Variants in SRRD observed in about 807,000 individuals in gnomAD.
SRRD encodes SRR1-like protein.
A neutral mutation model predicts 30.7 loss-of-function variants in SRRD; 28 were observed. The ratio of observed to expected loss-of-function variants is 0.91; its 90% CI spans 0.68 to 1.25. The LOEUF (loss-of-function observed/expected upper bound fraction) is 1.25. Among genes scored for constraint, SRRD ranks in the 50% most tolerant of loss-of-function variants. The pLI is 0.00. For missense variants in SRRD, 415 were observed against 417.3 expected (o/e 0.99, Z 0.05); for synonymous variants, 161 against 159.6 (o/e 1.01, Z -0.07).
rs368643985 is a variant in SRRD at position 26,488,181 on chromosome 22, G to C, written c.403G>C (p.Gly135Arg). 3 of 1,614,100 alleles carry C rather than the reference G, an allele frequency of 1.9e-6. No homozygotes were observed. In the African/African-American group the frequency reaches 4.0e-5, roughly 22 times the overall value. ...TATCCCAAGAGAGATCTTGGTCACA[G>C]GAACCTGCCATTTGAAGTGTGTGTG... ...DSIPREILVTGTCHLKCVCYG... is the reference protein window; with the variant it reads ...DSIPREILVTRTCHLKCVCYG... Residue 135 changes from glycine (G) to arginine (R), a missense_variant, in exon 3 of 7, where the codon GGA (glycine) becomes CGA (arginine). Physicochemically the swap from Gly to Arg is moderately radical, Grantham distance 125. Coordinates refer to ENST00000215917, the MANE Select transcript of SRRD (RefSeq NM_001013694.3).
At chr22:26,489,975 C>T in intron 4 of SRRD, 69 bp from the exon 5 acceptor site, 1 of 1,564,344 alleles carries the variant, frequency 6.4e-7, no homozygotes. Flanking sequence ...CCCATCCTTA[C>T]CTCTCCCTCA....
chr22:26,484,330 T>C (rs1052948571), intron 1 of SRRD, among the ~76,000 whole-genome samples: 1 of 152,200 alleles, frequency 6.6e-6, no homozygotes, highest in African/African-American at 2.4e-5. Context: ...ATTTATAATC[T>C]CTGTGCCTCA....
At chr22:26,489,924 G>T in intron 4 of SRRD, 120 bp from the exon 5 acceptor site, 1 of 1,104,918 alleles carries the variant, frequency 9.1e-7, no homozygotes. Context: ...CACAAAATGA[G>T]CTTTTTTCCT....
intron 5 of SRRD, 98 bp downstream of exon 5, chr22:26,490,296 C>G: frequency 7.4e-7 from 1 of 1,358,750 alleles, no homozygotes; most frequent in East Asian, 2.4e-5. Flanking sequence ...CGATTCCATA[C>G]TGGGGAAATG....
rs1602195604 is a variant in SRRD, at chr22:26,494,578, G to A, written c.*2906G>A. ...CCCCTACCCCATAGGGTTGCTGAGAGGAGCTGAGATAAAGCAAATAAAGTG... is the reference window on the plus strand; with the variant it reads ...CCCCTACCCCATAGGGTTGCTGAGAAGAGCTGAGATAAAGCAAATAAAGTG... On this transcript the variant is annotated 3_prime_UTR_variant, in exon 7 of 7. Coordinates refer to ENST00000215917, the MANE Select transcript of SRRD (RefSeq NM_001013694.3). 2.7e-6 allele frequency: 2 copies of A among 732,406 alleles called. No homozygotes were observed. The highest frequency in any genetic ancestry group is 5.4e-5 in the East Asian group (2 of 36,992). The allele number at this position is 732,406 out of a possible 1,614,324, so 45.4% of individuals were successfully genotyped here. A position where few individuals can be genotyped will look rare whatever the true frequency, so the allele number is the denominator to read the frequency against.
At chr22:26,484,635 C>T (rs2091655355) in intron 1 of SRRD, among the ~76,000 whole-genome samples, 2 of 152,144 alleles carry the variant, frequency 1.3e-5, no homozygotes, top group South Asian at 4.1e-4. Context: ...CTCACTGATT[C>T]TCAAAGAGAC....
Position 26,488,298 on chromosome 22 carries a change from T to TGGATTCATTTTC in SRRD, c.510+11_510+22dup, listed in dbSNP as rs2091723850. 1.2e-6 allele frequency: 2 copies of TGGATTCATTTTC among 1,613,124 alleles called. No individual in the cohort carries two copies. Among genetic ancestry groups the TGGATTCATTTTC allele is most frequent in the South Asian group, 2.2e-5 (2 of 91,064 alleles). Reference sequence around the variant, plus strand: ...GTTGGAAAAGTGCCAGGTACATTTTTGGATTCATTTTCATCTCCTCCTCCT... The same window carrying TGGATTCATTTTC: ...GTTGGAAAAGTGCCAGGTACATTTTTGGATTCATTTTCGGATTCATTTTCATCTCCTCCTCCT... On this transcript the variant is annotated intron_variant, in intron 3 of 6. Transcript: ENST00000215917.
chr22:26,491,941 TA>T lies in SRRD; in HGVS notation c.*274del. The T allele has an allele frequency of 7.1e-7, 1 of 1,414,474 alleles. No individual in the cohort carries two copies. Among genetic ancestry groups the T allele is most frequent in the Non-Finnish European group, 9.6e-7 (1 of 1,040,028 alleles). 87.6% of individuals were successfully genotyped at this position (1,414,474 alleles called of 1,614,324 possible). A position where few individuals can be genotyped will look rare whatever the true frequency, so the allele number is the denominator to read the frequency against. ...AGAAGTTACCCTTTTGAAGGTGATC[TA>T]AAAATACTGTTTATTTACAGTACAT... On this transcript the variant is annotated 3_prime_UTR_variant, in exon 7 of 7. Coordinates refer to ENST00000215917, the MANE Select transcript of SRRD (RefSeq NM_001013694.3).
Position 26,492,311 on chromosome 22 carries a change from C to T in SRRD, c.*639C>T, listed in dbSNP as rs376300046. On this transcript the variant is annotated 3_prime_UTR_variant, in exon 7 of 7. Coordinates refer to ENST00000215917, the MANE Select transcript of SRRD (RefSeq NM_001013694.3). ...GGCCTCGTACTGGAAGTCCTTCCTC[C>T]GCTCCGTGTGGGTGAGATAGGCAAT... 4.3e-6 allele frequency: 7 copies of T among 1,614,170 alleles called. No individual in the cohort carries two copies. The highest frequency in any genetic ancestry group is 1.7e-5 in the Admixed American group (1 of 60,024).
At position 26,492,517 on chromosome 22, in the gene SRRD, G is replaced by C. The variant is rs1172746010; in HGVS notation, c.*845G>C. On this transcript the variant is annotated 3_prime_UTR_variant, in exon 7 of 7. Transcript: ENST00000215917. ...CCTCAAAGATACAACTTTGGAGGAA[G>C]TTTAGACGACTGGCCAGTATCACAT... The C allele has an allele frequency of 3.0e-6, 2 of 677,276 alleles. No homozygotes were observed. Among genetic ancestry groups the C allele is most frequent in the African/African-American group, 3.6e-5 (2 of 55,284 alleles). 42.0% of individuals were successfully genotyped at this position (677,276 alleles called of 1,614,324 possible).
chr22:26,491,962 G>T lies in SRRD; in HGVS notation c.*290G>T, dbSNP rs909579263. 1 of 1,495,788 alleles carries T rather than the reference G, an allele frequency of 6.7e-7. No homozygotes were observed. The highest frequency in any genetic ancestry group is 2.0e-5 in the Admixed American group (1 of 50,150). The allele number at this position is 1,495,788 out of a possible 1,614,324, so 92.7% of individuals were successfully genotyped here. ...GATCTAAAAATACTGTTTATTTACA[G>T]TACATCCCTCTTAGGGGCAAGTCTC... On this transcript the variant is annotated 3_prime_UTR_variant, in exon 7 of 7. Coordinates refer to ENST00000215917, the MANE Select transcript of SRRD (RefSeq NM_001013694.3).
chr22:26,484,235 C>G (rs1044051711), intron 1 of SRRD, 136 bp downstream of exon 1: 1 of 976,866 alleles, frequency 1.0e-6, no homozygotes, highest in Non-Finnish European at 1.5e-6. Flanking sequence ...AGGTAACGAG[C>G]TCATTAAAGA....
Position 26,488,286 on chromosome 22 carries a change from C to G in SRRD, c.508C>G (p.Gln170Glu). Residue 170 changes from glutamine (Q) to glutamate (E), a missense_variant and splice_region_variant, in exon 3 of 7, where the codon CAG (glutamine) becomes GAG (glutamate). Transcript: ENST00000215917. Reference sequence around the variant, plus strand: ...TTTGCTGCTTTTGTTGGAAAAGTGCCAGGTACATTTTTGGATTCATTTTCA... The same window carrying G: ...TTTGCTGCTTTTGTTGGAAAAGTGCGAGGTACATTTTTGGATTCATTTTCA... ...TFLLLLLEKC[Q>E]IPRSHCWVYD... The G allele has an allele frequency of 6.2e-7, 1 of 1,613,484 alleles. No individual in the cohort carries two copies. Among genetic ancestry groups the G allele is most frequent in the Non-Finnish European group, 8.5e-7 (1 of 1,179,460 alleles).
intron 5 of SRRD, 39 bp downstream of exon 5, chr22:26,490,237 G>T: frequency 6.2e-7 from 1 of 1,610,636 alleles, no homozygotes; most frequent in East Asian, 2.2e-5. Context: ...AGGCCCTGAG[G>T]TGAAGCCCAT....
chr22:26,484,780 TAG>T (rs992635489), intron 1 of SRRD, among the ~76,000 whole-genome samples: 53 of 152,358 alleles, frequency 3.5e-4, no homozygotes, highest in African/African-American at 1.2e-3. Flanking sequence ...AGAAAGTACA[TAG>T]AGAGTGCCTA....
At chr22:26,486,160 G>C in intron 2 of SRRD, 97 bp downstream of exon 2, 1 of 1,473,964 alleles carries the variant, frequency 6.8e-7, no homozygotes, top group South Asian at 1.1e-5. Context: ...TAACTTGCTG[G>C]GTTCTAACGC....
Position 26,493,883 on chromosome 22 carries a change from C to A in SRRD, c.*2211C>A, listed in dbSNP as rs1921567109. ...TAAGAGGGCGGGGCCTGGGGTTAGA[C>A]TGACATCATCTGAATCCAGCTTAAG... On this transcript the variant is annotated 3_prime_UTR_variant, in exon 7 of 7. Transcript: ENST00000215917. 3 of 459,946 alleles carry A rather than the reference C, an allele frequency of 6.5e-6. No individual in the cohort carries two copies. In the South Asian group the frequency reaches 6.5e-5, roughly 10 times the overall value. The allele number at this position is 459,946 out of a possible 1,614,324, so 28.5% of individuals were successfully genotyped here. A position where few individuals can be genotyped will look rare whatever the true frequency, so the allele number is the denominator to read the frequency against.
In SRRD at chr22:26,494,446, T is replaced by C. The variant is rs550219010; in HGVS notation, c.*2774T>C. ...AGGGATTTATAGTAGCTAAACAGTCTAGCACTTATGAATATGGATTTTGGA... is the reference window on the plus strand; with the variant it reads ...AGGGATTTATAGTAGCTAAACAGTCCAGCACTTATGAATATGGATTTTGGA... On this transcript the variant is annotated 3_prime_UTR_variant, in exon 7 of 7. Coordinates refer to ENST00000215917, the MANE Select transcript of SRRD (RefSeq NM_001013694.3). The C allele has an allele frequency of 7.9e-6, 8 of 1,007,716 alleles. No individual in the cohort carries two copies. The highest frequency in any genetic ancestry group is 1.2e-5 in the Non-Finnish European group (8 of 678,608). 62.4% of individuals were successfully genotyped at this position (1,007,716 alleles called of 1,614,324 possible). A position where few individuals can be genotyped will look rare whatever the true frequency, so the allele number is the denominator to read the frequency against.
Position 26,484,020 on chromosome 22 carries a change from AGAGAGGCGGCGCCCCGG to A in SRRD, c.132_148del (p.Glu45ProfsTer8), listed in dbSNP as rs2091623499. The A allele has an allele frequency of 1.4e-5, 3 of 217,488 alleles. No individual in the cohort carries two copies. The highest frequency in any genetic ancestry group is 9.0e-5 in the Admixed American group (1 of 11,096). The allele number at this position is 217,488 out of a possible 1,614,324, so 13.5% of individuals were successfully genotyped here. On this transcript the variant is annotated frameshift_variant, in exon 1 of 7. Transcript: ENST00000215917. LOFTEE classifies it high-confidence loss of function. ...GGGGAGAGAGGCGGCGCCCCGGGGG[AGAGAGGCGGCGCCCCGG>A]GGCCCCGAGGCGGAGTTCGAGTCTG... is the stretch of plus-strand genomic sequence containing the variant.
Sources: allele counts gnomAD v4.1 joint callset (sites outside exome capture counted in the v4.1 genomes callset), GRCh38; gene constraint gnomAD v4.1.1; transcripts MANE v1.5; gene names NCBI Gene and HGNC (gene_info 2026-07-23, HGNC 2026-07-21).